Variants in TOX3 observed in about 807,000 individuals in gnomAD.
The protein encoded by TOX3 is CAG trinucleotide repeat-containing gene F9 protein.
Under a neutral mutation model 64.3 loss-of-function variants are expected in TOX3, and 22 were observed. The ratio of observed to expected loss-of-function variants is 0.34; its 90% CI spans 0.24 to 0.49. The LOEUF (loss-of-function observed/expected upper bound fraction) is 0.49, where lower values mean the gene tolerates loss of function less well. Ranked by LOEUF, TOX3 falls within the 20% of genes least tolerant of loss-of-function variation. TOX3 has a pLI of 0.99. For missense variants in TOX3, 661 were observed against 714.4 expected, an observed-to-expected ratio of 0.93 and a Z score of 0.85; for synonymous variants, 291 against 273.6, an observed-to-expected ratio of 1.06 and a Z score of -0.63.
At position 52,519,155 on chromosome 16, in the gene TOX3, T is replaced by C. The variant is rs185014673; in HGVS notation, c.87+27482A>G. Among the ~76,000 whole-genome samples the C allele has an allele frequency of 2.1e-3, 326 of 152,322 alleles. 1 individual carries two copies. The highest frequency in any genetic ancestry group is 7.3e-3 in the African/African-American group (305 of 41,592). On this transcript the variant is annotated intron_variant, in intron 1 of 6. Coordinates refer to ENST00000219746, the MANE Select transcript of TOX3 (RefSeq NM_001080430.4). ...TCTAGCGCTAAATGCACCAGACAGA[T>C]GGATGGGCTAATCCGTCTTCAGTTA...
chr16:52,530,920 T>C (rs1400727698), intron 1 of TOX3, among the ~76,000 whole-genome samples: 1 of 152,240 alleles, frequency 6.6e-6, no homozygotes, highest in Non-Finnish European at 1.5e-5. Context: ...TGCTGTCACC[T>C]GCCATCTTGT....
intron 1 of TOX3, among the ~76,000 whole-genome samples, chr16:52,527,216 A>G (rs376073130): frequency 1.4e-5 from 2 of 148,024 alleles, no homozygotes; most frequent in African/African-American, 4.9e-5. Context: ...TAGCAGGTAT[A>G]CTAGAACCAA....
chr16:52,464,085 A>T lies in TOX3; in HGVS notation c.257T>A (p.Leu86Gln). 6.2e-7 allele frequency: 1 copy of T among 1,605,296 alleles called. No individual in the cohort carries two copies. Among genetic ancestry groups the T allele is most frequent in the South Asian group, 1.1e-5 (1 of 89,030 alleles). ...DPALGMPDVL[L>Q]PFQALSDPLP... is the part of the protein sequence containing the mutation. ...TGGATCGCTGAGGGCTTGAAAGGGTAGCAGTACATCCGGCATGCCTAGGGC... is the reference window on the plus strand; with the variant it reads ...TGGATCGCTGAGGGCTTGAAAGGGTTGCAGTACATCCGGCATGCCTAGGGC... Residue 86 changes from leucine (L) to glutamine (Q), a missense_variant, in exon 3 of 7, where the codon CTA becomes CAA. Leu to Gln is a moderately radical substitution (Grantham distance 113). Transcript: ENST00000219746.
At chr16:52,521,398 C>T (rs1350788551) in intron 1 of TOX3, among the ~76,000 whole-genome samples, 1 of 152,046 alleles carries the variant, frequency 6.6e-6, no homozygotes, top group Non-Finnish European at 1.5e-5. Context: ...GCCAGTTCTA[C>T]CTTCTCTGCC....
Position 52,446,152 on chromosome 16 carries a change from T to G in TOX3, c.748A>C (p.Lys250Gln), listed in dbSNP as rs569021689. The G allele has an allele frequency of 6.2e-7, 1 of 1,613,982 alleles. No individual in the cohort carries two copies. The highest frequency in any genetic ancestry group is 2.2e-5 in the East Asian group (1 of 44,882). The change falls in exon 5 of 7, where the codon AAA (lysine) becomes CAA (glutamine). Residue 250 changes from lysine (K) to glutamine (Q), a missense_variant. By Grantham distance (53) the Lys-to-Gln change is moderately conservative. This residue lies in a region of TOX3 where 103 missense variants were observed against 161.2 expected (regional missense o/e 0.64). Transcript: ENST00000219746. ...KPKTPKKKKK[K>Q]DPNEPQKPVS... ...GGCTTCTGTGGCTCATTGGGATCTT[T>G]CTTTTTCTTTTTCTTTGGAGTCTTG...
chr16:52,475,007 C>T (rs954608467), intron 1 of TOX3, among the ~76,000 whole-genome samples: 2 of 152,074 alleles, frequency 1.3e-5, no homozygotes, highest in African/African-American at 2.4e-5. Context: ...GACTATTGTC[C>T]CTGTAAATGT....
chr16:52,546,508 C>A, intron 1 of TOX3, 129 bp downstream of exon 1: 1 of 823,332 alleles, frequency 1.2e-6, no homozygotes, highest in Non-Finnish European at 1.8e-6. Context: ...GACGAAGGCT[C>A]AAAGGTAGAA....
intron 5 of TOX3, chr16:52,445,178 C>T (rs936443326): frequency 6.6e-6 from 1 of 152,202 alleles, no homozygotes; most frequent in Non-Finnish European, 1.5e-5. Flanking sequence ...ACCTTCCCAA[C>T]AAAACAAGCT....
rs569189509 is a variant in TOX3, at chr16:52,436,609, CT to C, written c.*2615del. On this transcript the variant is annotated 3_prime_UTR_variant, in exon 7 of 7. Coordinates refer to ENST00000219746, the MANE Select transcript of TOX3 (RefSeq NM_001080430.4). ...GAGGAATTCTTTTCATGATTCAAGC[CT>C]TTTGACATTTTAAATATGTAGTTTT... Among the ~76,000 whole-genome samples the C allele has an allele frequency of 2.9e-3, 441 of 152,142 alleles. 5 individuals are homozygous for C. Among genetic ancestry groups the C allele is most frequent in the South Asian group, 0.028 (136 of 4,820 alleles).
intron 1 of TOX3, among the ~76,000 whole-genome samples, chr16:52,545,960 C>T (rs1477265262): frequency 6.6e-6 from 1 of 152,118 alleles, no homozygotes; most frequent in Non-Finnish European, 1.5e-5. Flanking sequence ...GGTCTCCAAT[C>T]CCGATCTCCC....
At chr16:52,537,816 A>C (rs1962987904) in intron 1 of TOX3, among the ~76,000 whole-genome samples, 1 of 150,418 alleles carries the variant, frequency 6.6e-6, no homozygotes, top group Admixed American at 6.7e-5. Flanking sequence ...AGCTGTGAGA[A>C]TGTAACTTGG....
At chr16:52,460,037 C>T (rs1960641794) in intron 3 of TOX3, among the ~76,000 whole-genome samples, 1 of 152,004 alleles carries the variant, frequency 6.6e-6, no homozygotes, top group Non-Finnish European at 1.5e-5. Flanking sequence ...TTTAAAAGCT[C>T]ATAATTTTCT....
chr16:52,537,123 T>G (rs1269405559), intron 1 of TOX3, among the ~76,000 whole-genome samples: 1 of 152,080 alleles, frequency 6.6e-6, no homozygotes, highest in East Asian at 1.9e-4. Flanking sequence ...TATCTTCTCA[T>G]TAGCCCCACT....
chr16:52,541,060 G>A (rs1963066847), intron 1 of TOX3, among the ~76,000 whole-genome samples: 1 of 152,050 alleles, frequency 6.6e-6, no homozygotes, highest in Non-Finnish European at 1.5e-5. Context: ...TACTCAAAGT[G>A]TAGTCTACAG....
chr16:52,446,411 T>C (rs574805033), intron 4 of TOX3, among the ~76,000 whole-genome samples, 190 bp from the exon 5 acceptor site: 128 of 152,276 alleles, frequency 8.4e-4, no homozygotes, highest in African/African-American at 3.0e-3. Context: ...ATTTAGAACA[T>C]CGATTAATGA....
rs955409453 is a variant in TOX3, at chr16:52,437,654, G to A, written c.*1571C>T. Among the ~76,000 whole-genome samples, 15 of 152,180 alleles carry A rather than the reference G, an allele frequency of 9.9e-5. No individual in the cohort carries two copies. The highest frequency in any genetic ancestry group is 1.9e-4 in the East Asian group (1 of 5,182). On this transcript the variant is annotated 3_prime_UTR_variant, in exon 7 of 7. Transcript: ENST00000219746. The stretch of plus-strand genomic sequence containing the variant: ...GAAAAGGGGGGAATAAATGGGCACC[G>A]AAATAATTATTTTGGCTTAAGAATT...
At chr16:52,464,251 G>C in intron 2 of TOX3, 63 bp from the exon 3 acceptor site, 3 of 1,370,822 alleles carry the variant, frequency 2.2e-6, no homozygotes, top group South Asian at 4.3e-5. Context: ...CCTCCGGGGA[G>C]GGAAAGAGAA....
rs911716033 is a variant in TOX3, at chr16:52,519,464, C to T, written c.87+27173G>A. On this transcript the variant is annotated intron_variant, in intron 1 of 6. Transcript: ENST00000219746. ...CTCCTCAATGCGCCTGGCTCCCGAGCGAGGTTGGCACTTCATCCTCCACTA... is the reference window on the plus strand; with the variant it reads ...CTCCTCAATGCGCCTGGCTCCCGAGTGAGGTTGGCACTTCATCCTCCACTA... 1.2e-5 allele frequency: 18 copies of T among 1,551,406 alleles called. No individual in the cohort carries two copies. The African/African-American group carries it at 1.2e-4, about 11-fold the overall frequency.
At position 52,485,267 on chromosome 16, in the gene TOX3, T is replaced by TATATATATATATATATATAC. The variant is rs1163640369; in HGVS notation, c.88-16694_88-16693insGTATATATATATATATATAT. 4.5e-4 allele frequency among the ~76,000 whole-genome samples: 62 copies of TATATATATATATATATATAC among 137,840 alleles called. 1 individual carries two copies. Among genetic ancestry groups the TATATATATATATATATATAC allele is most frequent in the African/African-American group, 1.4e-3 (55 of 38,056 alleles). 90.4% of individuals were successfully genotyped at this position (137,840 alleles called of 152,430 possible). ...GTGTGTATATATATATATATATATA[T>TATATATATATATATATATAC]ATATACATATCTCCCATGGAATACT... is the stretch of plus-strand genomic sequence containing the variant. On this transcript the variant is annotated intron_variant, in intron 1 of 6. Coordinates refer to ENST00000219746, the MANE Select transcript of TOX3 (RefSeq NM_001080430.4).
Sources: allele counts gnomAD v4.1 joint callset (sites outside exome capture counted in the v4.1 genomes callset), GRCh38; gene constraint gnomAD v4.1.1; regional missense constraint gnomAD v4.1.1; transcripts MANE v1.5; gene names NCBI Gene and HGNC (gene_info 2026-07-23, HGNC 2026-07-21).